The following PTGFRN variants were observed in gnomAD, a reference collection of about 807,000 sequenced individuals.
PTGFRN encodes prostaglandin F2 receptor negative regulator.
Under a neutral mutation model 83.2 loss-of-function variants are expected in PTGFRN, and 35 were observed. That is an observed-to-expected ratio of 0.42 (90% confidence interval 0.32 to 0.56). PTGFRN has a LOEUF of 0.56. Ranked by LOEUF, PTGFRN falls within the 20% of genes least tolerant of loss-of-function variation. The pLI is 0.11. For synonymous variants in PTGFRN, 519 were observed against 498.6 expected (o/e 1.04, Z -0.55); for missense variants, 1,051 against 1,179.5 (o/e 0.89, Z 1.60).
chr1:116,970,324 T>G (rs1353097248), intron 6 of PTGFRN, among the ~76,000 whole-genome samples: 1 of 152,194 alleles, frequency 6.6e-6, no homozygotes, highest in Non-Finnish European at 1.5e-5. Context: ...ATTCCTAGTT[T>G]GTTGAGTATT....
In PTGFRN at chr1:116,941,545, T is replaced by A. The variant is rs1650060730; in HGVS notation, c.50-170T>A. Among the ~76,000 whole-genome samples the A allele has an allele frequency of 6.6e-6, 1 of 152,216 alleles. No homozygotes were observed. The highest frequency in any genetic ancestry group is 2.4e-5 in the African/African-American group (1 of 41,442). On this transcript the variant is annotated intron_variant, in intron 1 of 8. Transcript: ENST00000393203. This position sits in a 1 kb window ranked among gnomAD's most constrained non-coding sequence, Gnocchi z 5.0. Reference sequence around the variant, plus strand: ...CTCATTTTGAGGTTGCATTCCTGGCTCATTATTTAAGGGTTAGGCTTAACC... The same window carrying A: ...CTCATTTTGAGGTTGCATTCCTGGCACATTATTTAAGGGTTAGGCTTAACC...
At chr1:116,942,160 G>A (rs1557963558) in intron 2 of PTGFRN, 77 bp downstream of exon 2, 1 of 1,508,502 alleles carries the variant, frequency 6.6e-7, no homozygotes, top group Non-Finnish European at 8.9e-7. Context: ...ACTTTGTCAA[G>A]AGACTTAATT....
In PTGFRN at chr1:116,966,352, A is replaced by G. The variant is rs114121647; in HGVS notation, c.1640-559A>G. Reference sequence around the variant, plus strand: ...ATCTGCAAATACATACGCTACAGTCATTTTAGCAATACATCTGTTCTGTAA... The same window carrying G: ...ATCTGCAAATACATACGCTACAGTCGTTTTAGCAATACATCTGTTCTGTAA... On this transcript the variant is annotated intron_variant, in intron 5 of 8. Coordinates refer to ENST00000393203, the MANE Select transcript of PTGFRN (RefSeq NM_020440.4). Among the ~76,000 whole-genome samples, 740 of 152,382 alleles carry G rather than the reference A, an allele frequency of 4.9e-3. 5 individuals carry two copies. The highest frequency in any genetic ancestry group is 0.017 in the African/African-American group (711 of 41,590).
intron 7 of PTGFRN, among the ~76,000 whole-genome samples, chr1:116,977,432 A>C (rs7543062): frequency 0.36 from 54,980 of 152,042 alleles, 10,676 homozygotes; most frequent in African/African-American, 0.52. Flanking sequence ...CTTCTCAGCA[A>C]CACATCGCAC....
intron 1 of PTGFRN, among the ~76,000 whole-genome samples, chr1:116,928,047 T>G (rs1389328528): frequency 6.6e-6 from 1 of 152,172 alleles, no homozygotes; most frequent in East Asian, 1.9e-4. Flanking sequence ...AAACAAGATT[T>G]AAGTCTCTGG....
chr1:116,985,428 G>A (rs1172561536), intron 8 of PTGFRN, among the ~76,000 whole-genome samples: 3 of 152,150 alleles, frequency 2.0e-5, no homozygotes, highest in African/African-American at 7.2e-5. Context: ...GCTGGGCACA[G>A]TGGCTCACGC....
At chr1:116,913,588 A>G (rs556815929) in intron 1 of PTGFRN, among the ~76,000 whole-genome samples, 18 of 152,228 alleles carry the variant, frequency 1.2e-4, no homozygotes, top group African/African-American at 4.3e-4. Context: ...ATCAGAGCAT[A>G]TATTTCCTTC....
In PTGFRN at chr1:116,932,619, C is replaced by A. The variant is rs192444364; in HGVS notation, c.50-9096C>A. 8.1e-4 allele frequency among the ~76,000 whole-genome samples: 118 copies of A among 145,580 alleles called. 2 individuals carry two copies. The East Asian group carries it at 0.017, about 20-fold the overall frequency. On this transcript the variant is annotated intron_variant, in intron 1 of 8. Coordinates refer to ENST00000393203, the MANE Select transcript of PTGFRN (RefSeq NM_020440.4). ...GAAGAAATTTTTAACAATCCAGTTT[C>A]TTCTATTCTCTCATCTGTCTACTTC...
intron 3 of PTGFRN, among the ~76,000 whole-genome samples, chr1:116,945,744 CTTT>C (rs5777292): frequency 1.5e-5 from 2 of 130,352 alleles, no homozygotes; most frequent in Non-Finnish European, 3.3e-5. Flanking sequence ...TGTGAATCAG[CTTT>C]TTTTTTTTTT....
intron 1 of PTGFRN, among the ~76,000 whole-genome samples, chr1:116,920,532 C>A (rs2250744): frequency 0.17 from 25,623 of 152,182 alleles, 4,483 homozygotes; most frequent in African/African-American, 0.45. Context: ...ATGCCCCAGA[C>A]CACAGTGAGA....
Position 116,944,739 on chromosome 1 carries a change from G to C in PTGFRN, c.479G>C (p.Arg160Pro), listed in dbSNP as rs1404839887. The part of the protein sequence containing the change: ...SARPPPSLSL[R>P]EGEPFELRCT... ...CGGCCCCCGCCGAGCCTGAGCCTGC[G>C]GGAGGGGGAGCCCTTCGAGCTGCGC... Residue 160 changes from arginine (R) to proline (P), a missense_variant, in exon 3 of 9, where the codon CGG becomes CCG. By Grantham distance (103) the Arg-to-Pro change is moderately radical (BLOSUM62 -2). This residue lies in a region of PTGFRN where 205 missense variants were observed against 174.5 expected (regional missense o/e 1.17). Transcript: ENST00000393203. 1 of 1,480,152 alleles carries C rather than the reference G, an allele frequency of 6.8e-7. No individual in the cohort carries two copies. The highest frequency in any genetic ancestry group is 8.9e-7 in the Non-Finnish European group (1 of 1,123,044). 91.7% of individuals were successfully genotyped at this position (1,480,152 alleles called of 1,614,324 possible). A position where few individuals can be genotyped will look rare whatever the true frequency, so the allele number is the denominator to read the frequency against.
Position 116,961,709 on chromosome 1 carries a change from T to C in PTGFRN, c.1639+41T>C. The C allele has an allele frequency of 6.4e-7, 1 of 1,560,090 alleles. No individual in the cohort carries two copies. The highest frequency in any genetic ancestry group is 8.7e-7 in the Non-Finnish European group (1 of 1,150,670). On this transcript the variant is annotated intron_variant, in intron 5 of 8. Coordinates refer to ENST00000393203, the MANE Select transcript of PTGFRN (RefSeq NM_020440.4). The surrounding 1 kb of genome is among the most constrained non-coding windows in gnomAD (Gnocchi z 5.4). ...TTGTTATTCATTTTTGTTTTGTCTT[T>C]GCTTAAGTCGTGCCGCTGTGTGTTG...
At chr1:116,966,361 A>G (rs1424563687) in intron 5 of PTGFRN, among the ~76,000 whole-genome samples, 1 of 152,268 alleles carries the variant, frequency 6.6e-6, no homozygotes, top group East Asian at 1.9e-4. Flanking sequence ...CATTTTAGCA[A>G]TACATCTGTT....
Position 116,941,573 on chromosome 1 carries a change from C to T in PTGFRN, c.50-142C>T, listed in dbSNP as rs1343895844. ...TTATTTAAGGGTTAGGCTTAACCTT[C>T]TGCATAGATACATTTTCCCTAGTAG... On this transcript the variant is annotated intron_variant, in intron 1 of 8. Coordinates refer to ENST00000393203, the MANE Select transcript of PTGFRN (RefSeq NM_020440.4). The surrounding 1 kb of genome is among the most constrained non-coding windows in gnomAD (Gnocchi z 5.0). 8.5e-7 allele frequency: 1 copy of T among 1,175,476 alleles called. No homozygotes were observed. The highest frequency in any genetic ancestry group is 1.2e-6 in the Non-Finnish European group (1 of 840,744). 72.8% of individuals were successfully genotyped at this position (1,175,476 alleles called of 1,614,324 possible).
intron 7 of PTGFRN, among the ~76,000 whole-genome samples, chr1:116,975,184 C>T (rs556372910): frequency 3.3e-5 from 5 of 152,278 alleles, no homozygotes; most frequent in African/African-American, 7.2e-5. Context: ...GGGAGGGGCA[C>T]CCGCCATTGC....
intron 1 of PTGFRN, among the ~76,000 whole-genome samples, chr1:116,914,029 A>G (rs1649338793): frequency 6.6e-6 from 1 of 152,252 alleles, no homozygotes; most frequent in South Asian, 2.1e-4. Flanking sequence ...AACTGCTCTA[A>G]CAAACTCAAA....
chr1:116,980,773 G>A (rs1292138556), intron 7 of PTGFRN, among the ~76,000 whole-genome samples: 2 of 152,176 alleles, frequency 1.3e-5, no homozygotes, highest in Non-Finnish European at 2.9e-5. Context: ...GTTAATGGGT[G>A]CAGCACACCA....
intron 7 of PTGFRN, 27 bp downstream of exon 7, chr1:116,974,350 A>C (rs751207346): frequency 1.3e-6 from 2 of 1,496,626 alleles, no homozygotes; most frequent in Non-Finnish European, 1.9e-6. Context: ...TCACCCCTTC[A>C]CCATGTTGCT....
At chr1:116,955,800 C>A (rs529063883) in intron 4 of PTGFRN, among the ~76,000 whole-genome samples, 153 of 152,298 alleles carry the variant, frequency 1.0e-3, no homozygotes, top group African/African-American at 3.5e-3. Flanking sequence ...GTCCCTGGCC[C>A]TGGGAAGAGT....
Sources: allele counts gnomAD v4.1 joint callset (sites outside exome capture counted in the v4.1 genomes callset), GRCh38; gene constraint gnomAD v4.1.1; regional missense constraint gnomAD v4.1.1; non-coding constraint Gnocchi (gnomAD v3.1); transcripts MANE v1.5; gene names NCBI Gene and HGNC (gene_info 2026-07-23, HGNC 2026-07-21).